ZZEF1: variants seen among roughly 807,000 people sequenced by gnomAD.
ZZEF1 encodes zinc finger ZZ-type and EF-hand domain-containing protein 1.
A neutral mutation model predicts 342.8 loss-of-function variants in ZZEF1; 157 were observed. The ratio of observed to expected loss-of-function variants is 0.46; its 90% CI spans 0.40 to 0.52. The LOEUF (loss-of-function observed/expected upper bound fraction) is 0.52, where lower values mean the gene tolerates loss of function less well. Among genes scored for constraint, ZZEF1 ranks in the 20% least tolerant of loss-of-function variants. The pLI is 0.00. For missense variants in ZZEF1, 3,480 were observed against 3,725.6 expected (o/e 0.93, Z 1.72); for synonymous variants, 1,505 against 1,429.1 (o/e 1.05, Z -1.20).
chr17:4,081,621 G>A, intron 17 of ZZEF1, 131 bp from the exon 18 acceptor site: 1 of 730,544 alleles, frequency 1.4e-6, no homozygotes, highest in Non-Finnish European at 2.2e-6. Flanking sequence ...GTTTGGGTCA[G>A]GAATACAGGC....
intron 11 of ZZEF1, among the ~76,000 whole-genome samples, chr17:4,091,720 TGAAC>T (rs1236069774): frequency 9.3e-5 from 14 of 150,996 alleles, no homozygotes; most frequent in Admixed American, 2.6e-4. Context: ...GAGGTTGCAG[TGAAC>T]TGAGATCACG....
chr17:4,053,161 T>C (rs1459190330), intron 34 of ZZEF1, among the ~76,000 whole-genome samples: 2 of 152,184 alleles, frequency 1.3e-5, no homozygotes, highest in African/African-American at 4.8e-5. Context: ...ATAGCTCTCA[T>C]CATGTTATTA....
chr17:4,054,711 G>A (rs1430823261), intron 33 of ZZEF1, among the ~76,000 whole-genome samples: 1 of 152,188 alleles, frequency 6.6e-6, no homozygotes, highest in Non-Finnish European at 1.5e-5. Flanking sequence ...AGTCTTAGGA[G>A]TTACAGATTG....
chr17:4,132,248 A>G (rs1353135600), intron 1 of ZZEF1, among the ~76,000 whole-genome samples: 1 of 150,356 alleles, frequency 6.7e-6, no homozygotes, highest in African/African-American at 2.4e-5. Flanking sequence ...CAGTGGTGCA[A>G]TCATGGTTCA....
chr17:4,142,961 A>G lies in ZZEF1; in HGVS notation c.-66T>C. 1 of 1,279,878 alleles carries G rather than the reference A, an allele frequency of 7.8e-7. No individual in the cohort carries two copies. Among genetic ancestry groups the G allele is most frequent in the Non-Finnish European group, 9.8e-7 (1 of 1,017,092 alleles). 79.3% of individuals were successfully genotyped at this position (1,279,878 alleles called of 1,614,324 possible). ...GCCGCCTCCCCGCCTCGACCTGTCA[A>G]CCTCCGACAGCAGCTGGCGGGCGGG... On this transcript the variant is annotated 5_prime_UTR_variant, in exon 1 of 55. Transcript: ENST00000381638.
chr17:4,070,154 G>T (rs963080593), intron 26 of ZZEF1, among the ~76,000 whole-genome samples: 6 of 152,338 alleles, frequency 3.9e-5, no homozygotes, highest in Admixed American at 6.5e-5. Context: ...CTAGTGGGGT[G>T]ATGCTACGAA....
Position 4,016,617 on chromosome 17 carries a change from A to G in ZZEF1, c.8002-151T>C. Reference sequence around the variant, plus strand: ...GACTCCACCACCCAAAACCAACTCCACCAGCCACCTCTCACTTGACCAGGC... The same window carrying G: ...GACTCCACCACCCAAAACCAACTCCGCCAGCCACCTCTCACTTGACCAGGC... On this transcript the variant is annotated intron_variant, in intron 48 of 54. Coordinates refer to ENST00000381638, the MANE Select transcript of ZZEF1 (RefSeq NM_015113.4). The surrounding 1 kb of genome is among the most constrained non-coding windows in gnomAD (Gnocchi z 4.4). 2.7e-6 allele frequency: 2 copies of G among 750,882 alleles called. No individual in the cohort carries two copies. Among genetic ancestry groups the G allele is most frequent in the South Asian group, 3.9e-5 (2 of 50,706 alleles). The allele number at this position is 750,882 out of a possible 1,614,324, so 46.5% of individuals were successfully genotyped here.
At chr17:4,089,512 A>T (rs2057904801) in intron 12 of ZZEF1, among the ~76,000 whole-genome samples, 2 of 152,278 alleles carry the variant, frequency 1.3e-5, no homozygotes, top group Admixed American at 6.5e-5. Context: ...AGGTTTAGCA[A>T]AAAATTAAGC....
chr17:4,141,190 T>C (rs2058839824), intron 1 of ZZEF1, among the ~76,000 whole-genome samples: 2 of 152,212 alleles, frequency 1.3e-5, no homozygotes, highest in South Asian at 4.1e-4. Flanking sequence ...ATTACAGGCG[T>C]GAGCCACTGC....
At chr17:4,053,887 G>A (rs1388636039) in intron 34 of ZZEF1, among the ~76,000 whole-genome samples, 170 bp downstream of exon 34, 1 of 152,204 alleles carries the variant, frequency 6.6e-6, no homozygotes, top group Non-Finnish European at 1.5e-5. Flanking sequence ...GGGCTGTGGA[G>A]CTTTTCATTT....
At chr17:4,075,821 T>C (rs998257470) in intron 21 of ZZEF1, 1 of 152,558 alleles carries the variant, frequency 6.6e-6, no homozygotes, top group African/African-American at 2.5e-5. Flanking sequence ...CCCTTTTCTT[T>C]TGAGCGGGGG....
intron 26 of ZZEF1, 46 bp downstream of exon 26, chr17:4,070,638 T>G: frequency 6.3e-7 from 1 of 1,588,232 alleles, no homozygotes; most frequent in Non-Finnish European, 8.6e-7. Context: ...TCTTAAAACT[T>G]AGCAATTAGC....
intron 39 of ZZEF1, among the ~76,000 whole-genome samples, chr17:4,039,527 GC>G (rs1219422071): frequency 1.3e-5 from 2 of 152,072 alleles, no homozygotes; most frequent in Non-Finnish European, 2.9e-5. Context: ...TGCAAATGGG[GC>G]AGACACAGAA....
At chr17:4,035,408 C>G (rs1376781769) in intron 39 of ZZEF1, among the ~76,000 whole-genome samples, 1 of 152,140 alleles carries the variant, frequency 6.6e-6, no homozygotes, top group Non-Finnish European at 1.5e-5. Context: ...GTGTCACAGT[C>G]CAAGAACTCA....
chr17:4,074,699 C>G (rs2057575304), intron 23 of ZZEF1, among the ~76,000 whole-genome samples: 1 of 152,194 alleles, frequency 6.6e-6, no homozygotes, highest in Non-Finnish European at 1.5e-5. Flanking sequence ...TACTAAACCT[C>G]CAGCCCAAGA....
chr17:4,067,160 T>C lies in ZZEF1; in HGVS notation c.4155+3A>G, dbSNP rs200991402. 1.2e-5 allele frequency: 19 copies of C among 1,611,720 alleles called. No individual in the cohort carries two copies. Among genetic ancestry groups the C allele is most frequent in the Non-Finnish European group, 1.4e-5 (17 of 1,178,984 alleles). ...GCAAAATCACATGCAAAGAAAATCT[T>C]ACCATCCATATTCGAATCCCATCTG... On this transcript the variant is annotated splice_donor_region_variant and intron_variant, in intron 27 of 54. Transcript: ENST00000381638.
intron 42 of ZZEF1, among the ~76,000 whole-genome samples, chr17:4,030,116 G>A (rs1243104486): frequency 6.6e-6 from 1 of 151,558 alleles, no homozygotes; most frequent in Admixed American, 6.6e-5. Flanking sequence ...AAATTTATCT[G>A]GGCAGTAATC....
Position 4,044,358 on chromosome 17 carries a change from T to G in ZZEF1, c.6032A>C (p.His2011Pro). The change falls in exon 38 of 55, where the codon CAT (histidine) becomes CCT (proline). Residue 2011 changes from histidine (H) to proline (P), a missense_variant. His to Pro is a moderately conservative substitution (Grantham distance 77). Coordinates refer to ENST00000381638, the MANE Select transcript of ZZEF1 (RefSeq NM_015113.4). The part of the protein sequence containing the change: ...SEAGNGKRAV[H>P]EEIRPVDFKQ... ...GAAATCTACAGGTCTGATTTCCTCATGAACAGCTCTCTTTCCCTAAAAAAA... is the reference window on the plus strand; with the variant it reads ...GAAATCTACAGGTCTGATTTCCTCAGGAACAGCTCTCTTTCCCTAAAAAAA... 1 of 1,612,252 alleles carries G rather than the reference T, an allele frequency of 6.2e-7. No individual in the cohort carries two copies. The highest frequency in any genetic ancestry group is 8.5e-7 in the Non-Finnish European group (1 of 1,179,404).
chr17:4,078,069 T>C, intron 18 of ZZEF1, 27 bp from the exon 19 acceptor site: 1 of 1,603,002 alleles, frequency 6.2e-7, no homozygotes, highest in African/African-American at 1.3e-5. Context: ...AAACAGAAAG[T>C]GTTCGTGACA....
Sources: allele counts gnomAD v4.1 joint callset (sites outside exome capture counted in the v4.1 genomes callset), GRCh38; gene constraint gnomAD v4.1.1; non-coding constraint Gnocchi (gnomAD v3.1); transcripts MANE v1.5; gene names NCBI Gene and HGNC (gene_info 2026-07-23, HGNC 2026-07-21).